Variants in ZDHHC13 observed in about 807,000 individuals in gnomAD.
The protein encoded by ZDHHC13 is zDHHC palmitoyltransferase 13.
A neutral mutation model predicts 86.0 loss-of-function variants in ZDHHC13; 85 were observed. The ratio of observed to expected loss-of-function variants is 0.99; its 90% CI spans 0.83 to 1.18. ZDHHC13 has a LOEUF of 1.18. Among genes scored for constraint, ZDHHC13 ranks in the 50% most tolerant of loss-of-function variants. The pLI is 0.00. For missense variants in ZDHHC13, 711 were observed against 730.2 expected (o/e 0.97, Z 0.30); for synonymous variants, 263 against 246.4 (o/e 1.07, Z -0.63).
chr11:19,154,790 G>A (rs1849711857), intron 8 of ZDHHC13, among the ~76,000 whole-genome samples: 1 of 152,060 alleles, frequency 6.6e-6, no homozygotes, highest in South Asian at 2.1e-4. Flanking sequence ...CTGCCTTTCT[G>A]GTCAGTTGTT....
At chr11:19,125,132 A>T (rs1430251868) in intron 1 of ZDHHC13, among the ~76,000 whole-genome samples, 1 of 152,242 alleles carries the variant, frequency 6.6e-6, no homozygotes, top group African/African-American at 2.4e-5. Context: ...GGACTTTTTT[A>T]AAATTTAAAA....
At chr11:19,126,874 CATTGATTCCATGTCTTTGCT>C (rs1204324121) in intron 1 of ZDHHC13, among the ~76,000 whole-genome samples, 2 of 152,130 alleles carry the variant, frequency 1.3e-5, no homozygotes, top group African/African-American at 2.4e-5. Context: ...TGGGCATTTA[CATTGATTCCATGTCTTTGCT>C]ATTGTGAATA....
At position 19,150,634 on chromosome 11, in the gene ZDHHC13, GT is replaced by G; in HGVS notation, c.520-92del. 13 of 1,018,860 alleles carry G rather than the reference GT, an allele frequency of 1.3e-5. No homozygotes were observed. The South Asian group carries it at 2.3e-4, about 18-fold the overall frequency. The allele number at this position is 1,018,860 out of a possible 1,614,324, so 63.1% of individuals were successfully genotyped here. A position where few individuals can be genotyped will look rare whatever the true frequency, so the allele number is the denominator to read the frequency against. ...AGCCCTTTATGTAGAAATAATGGTA[GT>G]ATTGAATGTATTAAAGAGATATTTC... On this transcript the variant is annotated intron_variant, in intron 5 of 16. Transcript: ENST00000446113.
At position 19,124,763 on chromosome 11, in the gene ZDHHC13, G is replaced by T. The variant is rs186036514; in HGVS notation, c.27+7487G>T. On this transcript the variant is annotated intron_variant, in intron 1 of 16. Coordinates refer to ENST00000446113, the MANE Select transcript of ZDHHC13 (RefSeq NM_019028.3). The stretch of plus-strand genomic sequence containing the variant: ...GCTGTGTGTGATTCTGCGTGTGTGT[G>T]GGGGGGTACTGATTATTTACCAGAT... 2.1e-3 allele frequency among the ~76,000 whole-genome samples: 323 copies of T among 151,292 alleles called. 2 individuals are homozygous for T. The highest frequency in any genetic ancestry group is 0.011 in the South Asian group (52 of 4,758).
intron 2 of ZDHHC13, among the ~76,000 whole-genome samples, chr11:19,145,164 T>G (rs1343358132): frequency 6.6e-6 from 1 of 152,176 alleles, no homozygotes; most frequent in African/African-American, 2.4e-5. Flanking sequence ...CTATGAAATA[T>G]GTCTTTTTAA....
At chr11:19,161,982 T>C (rs1370998408) in intron 10 of ZDHHC13, among the ~76,000 whole-genome samples, 2 of 152,164 alleles carry the variant, frequency 1.3e-5, no homozygotes, top group Admixed American at 6.5e-5. Flanking sequence ...TTTTGAATTA[T>C]ATCCTTTTAA....
chr11:19,124,580 A>T (rs1285760949), intron 1 of ZDHHC13, among the ~76,000 whole-genome samples: 1 of 152,074 alleles, frequency 6.6e-6, no homozygotes, highest in Non-Finnish European at 1.5e-5. Flanking sequence ...TATACCTGTT[A>T]CTTATTGAGA....
At chr11:19,160,119 G>A (rs996663932) in intron 10 of ZDHHC13, among the ~76,000 whole-genome samples, 17 of 151,994 alleles carry the variant, frequency 1.1e-4, no homozygotes, top group Admixed American at 6.5e-5. Context: ...AATGTGAAAT[G>A]AGATGGCCAT....
At chr11:19,122,550 T>A (rs1024819305) in intron 1 of ZDHHC13, among the ~76,000 whole-genome samples, 2 of 151,914 alleles carry the variant, frequency 1.3e-5, no homozygotes, top group Non-Finnish European at 2.9e-5. Flanking sequence ...TGTAAAATGC[T>A]GAAGGTCCTA....
chr11:19,171,883 G>T (rs772718576), intron 15 of ZDHHC13, among the ~76,000 whole-genome samples: 4 of 152,074 alleles, frequency 2.6e-5, no homozygotes, highest in Admixed American at 6.5e-5. Context: ...TTTCCTGAGC[G>T]CTCTGGGTAG....
chr11:19,129,606 TG>T (rs1166461375), intron 1 of ZDHHC13, among the ~76,000 whole-genome samples: 5 of 152,144 alleles, frequency 3.3e-5, no homozygotes, highest in African/African-American at 4.8e-5. Context: ...ATTAATATGG[TG>T]GGTTACATTG....
At position 19,166,185 on chromosome 11, in the gene ZDHHC13, C is replaced by T. The variant is rs540387004; in HGVS notation, c.1391-117C>T. On this transcript the variant is annotated intron_variant, in intron 13 of 16. Transcript: ENST00000446113. Reference sequence around the variant, plus strand: ...ATGGTACTTAAAAGCAAAGCAACAGCTTTATTTCTGTTTTACTTTGGTGAA... The same window carrying T: ...ATGGTACTTAAAAGCAAAGCAACAGTTTTATTTCTGTTTTACTTTGGTGAA... The T allele has an allele frequency of 6.4e-6, 5 of 775,602 alleles. No individual in the cohort carries two copies. In the South Asian group the frequency reaches 6.6e-5, roughly 10 times the overall value. The allele number at this position is 775,602 out of a possible 1,614,324, so 48.0% of individuals were successfully genotyped here. A position where few individuals can be genotyped will look rare whatever the true frequency, so the allele number is the denominator to read the frequency against.
At chr11:19,162,377 T>A (rs1393955) in intron 10 of ZDHHC13, among the ~76,000 whole-genome samples, 117,753 of 152,068 alleles carry the variant, frequency 0.77, 46,620 homozygotes, top group Admixed American at 0.86. Flanking sequence ...TCTGAGTGCC[T>A]TAGATAAAGC....
chr11:19,127,721 G>A (rs181366080), intron 1 of ZDHHC13, among the ~76,000 whole-genome samples: 2 of 152,224 alleles, frequency 1.3e-5, no homozygotes, highest in African/African-American at 4.8e-5. Flanking sequence ...TTTCCCCATT[G>A]CTTGTTTTTA....
In ZDHHC13 at chr11:19,176,408, T is replaced by A. The variant is rs886797483; in HGVS notation, c.*448T>A. 6.5e-6 allele frequency: 1 copy of A among 152,976 alleles called. No individual in the cohort carries two copies. Among genetic ancestry groups the A allele is most frequent in the African/African-American group, 2.4e-5 (1 of 41,450 alleles). 9.5% of individuals were successfully genotyped at this position (152,976 alleles called of 1,614,324 possible). ...GCTTTCACACTTAATAAAAAATTTT[T>A]TTTTGTAGTTGAGACTTGGTTTCTG... is the stretch of plus-strand genomic sequence containing the variant. On this transcript the variant is annotated 3_prime_UTR_variant, in exon 17 of 17. Coordinates refer to ENST00000446113, the MANE Select transcript of ZDHHC13 (RefSeq NM_019028.3).
At chr11:19,162,971 T>C (rs926205114) in intron 10 of ZDHHC13, among the ~76,000 whole-genome samples, 2 of 152,172 alleles carry the variant, frequency 1.3e-5, no homozygotes, top group Non-Finnish European at 2.9e-5. Context: ...TCAAAGAATA[T>C]TTTTCTAGAT....
chr11:19,121,149 G>A (rs948736227), intron 1 of ZDHHC13, among the ~76,000 whole-genome samples: 1 of 152,130 alleles, frequency 6.6e-6, no homozygotes, highest in South Asian at 2.1e-4. Context: ...AATTCAAGAC[G>A]CAAAAATAAT....
intron 1 of ZDHHC13, among the ~76,000 whole-genome samples, chr11:19,131,416 C>T (rs181141310): frequency 1.2e-4 from 18 of 152,190 alleles, no homozygotes; most frequent in Admixed American, 2.6e-4. Context: ...TTATAATTTT[C>T]GCCAACTTTG....
At chr11:19,141,599 G>C (rs931843238) in intron 1 of ZDHHC13, among the ~76,000 whole-genome samples, 44 of 151,608 alleles carry the variant, frequency 2.9e-4, no homozygotes, top group Non-Finnish European at 1.5e-5. Context: ...AACCCAAAAG[G>C]CTGTAGTAAT....
Sources: allele counts gnomAD v4.1 joint callset (sites outside exome capture counted in the v4.1 genomes callset), GRCh38; gene constraint gnomAD v4.1.1; transcripts MANE v1.5; gene names NCBI Gene and HGNC (gene_info 2026-07-23, HGNC 2026-07-21).